The following RAD54L2 variants were observed in gnomAD, a reference collection of about 807,000 sequenced individuals.
RAD54L2 encodes helicase ARIP4.
Under a neutral mutation model 138.4 loss-of-function variants are expected in RAD54L2, and 27 were observed. The observed-to-expected ratio is 0.20, with a 90% CI of 0.14 to 0.27. The LOEUF (loss-of-function observed/expected upper bound fraction) is 0.27. Among genes scored for constraint, RAD54L2 ranks in the 10% least tolerant of loss-of-function variants. RAD54L2 has a pLI of 1.00. For synonymous variants in RAD54L2, 644 were observed against 723.2 expected (o/e 0.89, Z 1.76); for missense variants, 1,396 against 1,890.2 (o/e 0.74, Z 4.85).
chr3:51,662,719 C>T lies in RAD54L2; in HGVS notation c.3703C>T (p.Leu1235Phe), dbSNP rs2106861135. The change falls in exon 23 of 23, where the codon CTC becomes TTC. Residue 1235 changes from leucine (L) to phenylalanine (F), a missense_variant. Around this residue, in one of 7 missense-constraint regions of RAD54L2, gnomAD observed 634 missense variants for 711.2 expected, o/e 0.89. Coordinates refer to ENST00000684192, the MANE Select transcript of RAD54L2 (RefSeq NM_015106.4). The surrounding 1 kb of genome is among the most constrained non-coding windows in gnomAD (Gnocchi z 4.6). ...RLGGHCLNSSLLVTGQPCGDR... is the reference protein window; with the variant it reads ...RLGGHCLNSSFLVTGQPCGDR... ...AGGGGGTCATTGCCTCAATAGTTCC[C>T]TCTTGGTGACTGGCCAGCCCTGTGG... is the stretch of plus-strand genomic sequence containing the variant. 4.3e-6 allele frequency: 7 copies of T among 1,613,850 alleles called. No individual in the cohort carries two copies. The highest frequency in any genetic ancestry group is 1.6e-4 in the Middle Eastern group (1 of 6,062).
chr3:51,641,692 G>T, intron 14 of RAD54L2, 57 bp from the exon 15 acceptor site: 1 of 1,193,582 alleles, frequency 8.4e-7, no homozygotes, highest in Non-Finnish European at 1.2e-6. Context: ...TGGACCTATT[G>T]GGAACAATGT....
At chr3:51,593,931 T>A (rs918389852) in intron 3 of RAD54L2, among the ~76,000 whole-genome samples, 1 of 152,092 alleles carries the variant, frequency 6.6e-6, no homozygotes, top group African/African-American at 2.4e-5. Context: ...AGAATGTGCG[T>A]AGCTCATTAA....
chr3:51,584,416 A>G (rs893012862), intron 2 of RAD54L2, among the ~76,000 whole-genome samples: 1 of 152,046 alleles, frequency 6.6e-6, no homozygotes, highest in Non-Finnish European at 1.5e-5. Flanking sequence ...CTTTGTGTGT[A>G]TCTAAATTTT....
At chr3:51,599,064 C>T (rs1237410607) in intron 3 of RAD54L2, among the ~76,000 whole-genome samples, 5 of 152,132 alleles carry the variant, frequency 3.3e-5, no homozygotes, top group African/African-American at 4.8e-5. Flanking sequence ...ATGGATCTGA[C>T]ACTATCTGAC....
chr3:51,567,618 G>A (rs1353660610), intron 2 of RAD54L2, among the ~76,000 whole-genome samples: 3 of 152,104 alleles, frequency 2.0e-5, no homozygotes, highest in Non-Finnish European at 2.9e-5. Flanking sequence ...AGCACTAAAG[G>A]TGTTTGTAAA....
At position 51,663,527 on chromosome 3, in the gene RAD54L2, A is replaced by G. The variant is rs1019649812; in HGVS notation, c.*107A>G. ...GAATAGGACACTTGGCAGGAGGGAA[A>G]AGGAAGAGGACAAAGGAGGGTGGTT... On this transcript the variant is annotated 3_prime_UTR_variant, in exon 23 of 23. Transcript: ENST00000684192. The G allele has an allele frequency of 1.1e-4, 139 of 1,311,780 alleles. No individual in the cohort carries two copies. Among genetic ancestry groups the G allele is most frequent in the Middle Eastern group, 3.8e-4 (2 of 5,208 alleles). The allele number at this position is 1,311,780 out of a possible 1,614,324, so 81.3% of individuals were successfully genotyped here.
intron 19 of RAD54L2, among the ~76,000 whole-genome samples, chr3:51,651,835 G>A (rs1308814392): frequency 6.6e-6 from 1 of 152,158 alleles, no homozygotes; most frequent in East Asian, 1.9e-4. Flanking sequence ...ATATCATACT[G>A]AATGGGCAAA....
intron 2 of RAD54L2, among the ~76,000 whole-genome samples, chr3:51,565,763 G>A (rs1035154299): frequency 2.0e-5 from 3 of 151,642 alleles, no homozygotes; most frequent in Admixed American, 2.0e-4. Flanking sequence ...GTGAGCCACT[G>A]TGTTCAGACT....
chr3:51,639,925 C>T lies in RAD54L2; in HGVS notation c.2157C>T (p.Asn719=), dbSNP rs1272100748. ...LTNYQTGVLE[N]SPKMVLLFHL... ...ATTACCAGACTGGAGTCCTAGAAAA[C>T]TCTCCCAAGATGGTACTGCTTTTCC... Residue 719 remains asparagine (N), a synonymous_variant, in exon 14 of 23, where the codon AAC becomes AAT. Coordinates refer to ENST00000684192, the MANE Select transcript of RAD54L2 (RefSeq NM_015106.4). 9 of 1,612,368 alleles carry T rather than the reference C, an allele frequency of 5.6e-6. No homozygotes were observed. Among genetic ancestry groups the T allele is most frequent in the Non-Finnish European group, 7.6e-6 (9 of 1,178,960 alleles).
chr3:51,640,891 A>AT (rs1187520951), intron 14 of RAD54L2, among the ~76,000 whole-genome samples: 2 of 152,084 alleles, frequency 1.3e-5, no homozygotes, highest in Non-Finnish European at 2.9e-5. Context: ...TGAAGAGAGT[A>AT]TTTTTTCAGT....
At chr3:51,588,550 AAAAAG>A (rs1699762679) in intron 2 of RAD54L2, among the ~76,000 whole-genome samples, 3 of 151,590 alleles carry the variant, frequency 2.0e-5, no homozygotes, top group African/African-American at 4.8e-5. Flanking sequence ...AAAAAAAAAA[AAAAAG>A]AAAAGAAAAT....
intron 3 of RAD54L2, among the ~76,000 whole-genome samples, chr3:51,621,508 A>G (rs1434185397): frequency 6.6e-6 from 1 of 152,254 alleles, no homozygotes; most frequent in Non-Finnish European, 1.5e-5. Context: ...AAAGGTCAGC[A>G]GGTTCCATTC....
At chr3:51,617,814 G>C (rs1439538722) in intron 3 of RAD54L2, among the ~76,000 whole-genome samples, 1 of 152,206 alleles carries the variant, frequency 6.6e-6, no homozygotes, top group Non-Finnish European at 1.5e-5. Context: ...GGGAGTTTCA[G>C]GCTGCAGTGA....
At position 51,655,967 on chromosome 3, in the gene RAD54L2, A is replaced by C; in HGVS notation, c.3027-4A>C. The C allele has an allele frequency of 6.3e-7, 1 of 1,596,570 alleles. No homozygotes were observed. Among genetic ancestry groups the C allele is most frequent in the Non-Finnish European group, 8.6e-7 (1 of 1,168,134 alleles). On this transcript the variant is annotated splice_polypyrimidine_tract_variant and splice_region_variant and intron_variant, in intron 19 of 22. Coordinates refer to ENST00000684192, the MANE Select transcript of RAD54L2 (RefSeq NM_015106.4). ...CTTTTAGTGTCCTTGTCTTTCTCTT[A>C]CAGGCAGCCAACTTTGAAGGGTGAT...
At chr3:51,608,527 C>G (rs1212928712) in intron 3 of RAD54L2, among the ~76,000 whole-genome samples, 1 of 152,294 alleles carries the variant, frequency 6.6e-6, no homozygotes, top group South Asian at 2.1e-4. Context: ...TGCACTCCAG[C>G]CTGGGCAACG....
chr3:51,659,109 T>G (rs1239392794), intron 21 of RAD54L2, among the ~76,000 whole-genome samples: 1 of 141,848 alleles, frequency 7.0e-6, no homozygotes, highest in African/African-American at 2.6e-5. Context: ...TTTTTTTTTT[T>G]TTTTTTTTTT....
Position 51,645,106 on chromosome 3 carries a change from C to G in RAD54L2, c.2533C>G (p.Gln845Glu), listed in dbSNP as rs777823117. The G allele has an allele frequency of 6.2e-6, 10 of 1,613,940 alleles. No individual in the cohort carries two copies. Among genetic ancestry groups the G allele is most frequent in the Non-Finnish European group, 8.5e-6 (10 of 1,179,886 alleles). Residue 845 changes from glutamine to glutamate, a missense_variant, in exon 17 of 23, where the codon CAG (glutamine) becomes GAG (glutamate). Physicochemically the swap from Gln to Glu is conservative, Grantham distance 29 (BLOSUM62 2). Transcript: ENST00000684192. The surrounding 1 kb of genome is among the most constrained non-coding windows in gnomAD (Gnocchi z 6.1). The part of the protein sequence containing the change: ...DASWNPCHDA[Q>E]AVCRVYRYGQ... ...TTCCTGGAACCCTTGCCATGATGCC[C>G]AGGCAGTATGTCGGGTATACCGTTA... is the stretch of plus-strand genomic sequence containing the variant.
chr3:51,591,723 G>A (rs892871811), intron 3 of RAD54L2, among the ~76,000 whole-genome samples: 1 of 152,156 alleles, frequency 6.6e-6, no homozygotes, highest in African/African-American at 2.4e-5. Context: ...GGCTCTCATT[G>A]TTCCTGAGAT....
intron 20 of RAD54L2, 39 bp from the exon 21 acceptor site, chr3:51,657,541 C>T (rs761957320): frequency 7.3e-7 from 1 of 1,371,370 alleles, no homozygotes; most frequent in Non-Finnish European, 1.0e-6. Context: ...TTCAGTCAGG[C>T]CCCGTGCAAT....
Sources: gnomAD v4.1 joint callset for allele counts (sites outside exome capture counted in the v4.1 genomes callset) on GRCh38, gnomAD v4.1.1 for gene constraint, gnomAD v4.1.1 regional missense constraint, Gnocchi (gnomAD v3.1) non-coding constraint, MANE v1.5 for transcripts, NCBI Gene and HGNC (gene_info 2026-07-23, HGNC 2026-07-21) for gene names.